ANKS1B: variants seen among roughly 807,000 people sequenced by gnomAD.
The protein encoded by ANKS1B is ankyrin repeat and sterile alpha motif domain-containing protein 1B.
Under a neutral mutation model 148.3 loss-of-function variants are expected in ANKS1B, and 36 were observed. The ratio of observed to expected loss-of-function variants is 0.24; its 90% confidence interval spans 0.19 to 0.32. The LOEUF (loss-of-function observed/expected upper bound fraction) is 0.32, where lower values mean the gene tolerates loss of function less well. Among genes scored for constraint, ANKS1B ranks in the 10% least tolerant of loss-of-function variants. The probability of loss-of-function intolerance (pLI) is 1.00; values close to 1 mark genes in which losing one functional copy is unlikely to be tolerated. For synonymous variants in ANKS1B, 542 were observed against 560.8 expected (o/e 0.97, Z 0.47); for missense variants, 1,157 against 1,542.6 (o/e 0.75, Z 4.19).
At chr12:99,175,501 C>G (rs1313839946) in intron 14 of ANKS1B, among the ~76,000 whole-genome samples, 1 of 152,190 alleles carries the variant, frequency 6.6e-6, no homozygotes, top group East Asian at 1.9e-4. Context: ...CTTGAGCCAT[C>G]AGAAAGCAAA....
At chr12:99,800,760 G>C (rs2066849846) in intron 4 of ANKS1B, among the ~76,000 whole-genome samples, 1 of 152,238 alleles carries the variant, frequency 6.6e-6, no homozygotes, top group Middle Eastern at 3.4e-3. Flanking sequence ...AAGCCTATTA[G>C]TCATCTGATA....
intron 17 of ANKS1B, among the ~76,000 whole-genome samples, chr12:98,906,323 G>A (rs2099779024): frequency 6.6e-6 from 1 of 152,120 alleles, no homozygotes; most frequent in Non-Finnish European, 1.5e-5. Flanking sequence ...TGAGGGGTGG[G>A]GGCTGCAATC....
chr12:99,933,463 T>C (rs1247513022), intron 1 of ANKS1B, among the ~76,000 whole-genome samples: 4 of 152,162 alleles, frequency 2.6e-5, no homozygotes, highest in African/African-American at 7.2e-5. Flanking sequence ...GTTTTCACTG[T>C]AGAAATCTTT....
intron 10 of ANKS1B, among the ~76,000 whole-genome samples, chr12:99,497,375 C>G (rs2096614322): frequency 6.6e-6 from 1 of 152,132 alleles, no homozygotes; most frequent in Admixed American, 6.5e-5. Flanking sequence ...CTCACAGATA[C>G]AGAGGGCCAA....
At chr12:99,019,584 G>T (rs1325873748) in intron 17 of ANKS1B, among the ~76,000 whole-genome samples, 2 of 152,122 alleles carry the variant, frequency 1.3e-5, no homozygotes, top group Non-Finnish European at 2.9e-5. Context: ...CAAAATAACA[G>T]ATTTGTTGTT....
At chr12:99,154,767 A>G (rs2153823974) in intron 14 of ANKS1B, 3 of 1,446,278 alleles carry the variant, frequency 2.1e-6, no homozygotes, top group South Asian at 3.0e-5. Flanking sequence ...TGAGCAATGC[A>G]CGGCCGGCAG....
chr12:99,757,813 A>G (rs1444008349), intron 8 of ANKS1B, among the ~76,000 whole-genome samples: 1 of 151,978 alleles, frequency 6.6e-6, no homozygotes, highest in Non-Finnish European at 1.5e-5. Context: ...ATCTGAGGCC[A>G]TTATCTTTAG....
chr12:99,147,651 A>G (rs1173849508), intron 15 of ANKS1B, among the ~76,000 whole-genome samples: 1 of 152,122 alleles, frequency 6.6e-6, no homozygotes, highest in Non-Finnish European at 1.5e-5. Context: ...ATATCTATTG[A>G]GTAGCTGGAC....
intron 8 of ANKS1B, among the ~76,000 whole-genome samples, chr12:99,689,101 T>A (rs2098665680): frequency 6.6e-6 from 1 of 152,212 alleles, no homozygotes; most frequent in Non-Finnish European, 1.5e-5. Flanking sequence ...TCTTCAATGT[T>A]CCTACATTAC....
intron 17 of ANKS1B, among the ~76,000 whole-genome samples, chr12:98,948,645 C>T (rs544795109): frequency 6.6e-6 from 1 of 152,090 alleles, no homozygotes; most frequent in South Asian, 2.1e-4. Flanking sequence ...TTTTTTTGAG[C>T]CAGATACTGC....
At chr12:99,669,313 G>A (rs1463169900) in intron 8 of ANKS1B, among the ~76,000 whole-genome samples, 1 of 152,144 alleles carries the variant, frequency 6.6e-6, no homozygotes, top group East Asian at 1.9e-4. Flanking sequence ...TGGGACTACA[G>A]GAATGTCCCA....
intron 6 of ANKS1B, among the ~76,000 whole-genome samples, chr12:99,779,039 A>G (rs1423594467): frequency 6.6e-6 from 1 of 152,238 alleles, no homozygotes; most frequent in East Asian, 1.9e-4. Flanking sequence ...GGAGAGAAAA[A>G]CATCTGGGGT....
rs1354202837 is a variant in ANKS1B at position 99,829,209 on chromosome 12, T to C, written c.135-3820A>G. 2.0e-5 allele frequency among the ~76,000 whole-genome samples: 3 copies of C among 151,266 alleles called. No individual in the cohort carries two copies. In the East Asian group the frequency reaches 5.9e-4, roughly 30 times the overall value. The stretch of plus-strand genomic sequence containing the variant: ...TTATCAGAACTGAAGGACATTAATT[T>C]ACCAAATAAAATGTACATGGGCCAG... On this transcript the variant is annotated intron_variant, in intron 1 of 26. Coordinates refer to ENST00000683438, the MANE Select transcript of ANKS1B (RefSeq NM_001352186.2).
chr12:98,944,306 A>C (rs927290928), intron 17 of ANKS1B, among the ~76,000 whole-genome samples: 26 of 150,290 alleles, frequency 1.7e-4, no homozygotes, highest in African/African-American at 6.1e-4. Flanking sequence ...ACCTCACAAA[A>C]AAAAAAAAAA....
At chr12:98,769,165 CTTTTTTTTTTTTTTTTT>C (rs1182264550) in intron 25 of ANKS1B, among the ~76,000 whole-genome samples, 7 of 41,232 alleles carry the variant, frequency 1.7e-4, no homozygotes, top group Admixed American at 4.3e-4. Flanking sequence ...GTCTTCTTTA[CTTTTTTTTTTTTTTTTT>C]TTTTTTTTTT....
intron 14 of ANKS1B, among the ~76,000 whole-genome samples, chr12:99,239,408 T>C (rs971845986): frequency 2.6e-5 from 4 of 152,144 alleles, no homozygotes; most frequent in Non-Finnish European, 5.9e-5. Flanking sequence ...CCAAGAAATA[T>C]GGGACTATGT....
Position 99,247,006 on chromosome 12 carries a change from C to A in ANKS1B, c.1757-142G>T. ...AATACCTTCACTTTATGAAATACCC[C>A]TGACCCCACAGTGCCATGTATAGAA... On this transcript the variant is annotated intron_variant, in intron 12 of 26. Transcript: ENST00000683438. 8 of 678,464 alleles carry A rather than the reference C, an allele frequency of 1.2e-5. No homozygotes were observed. The South Asian group carries it at 1.5e-4, about 13-fold the overall frequency. The allele number at this position is 678,464 out of a possible 1,614,324, so 42.0% of individuals were successfully genotyped here. A position where few individuals can be genotyped will look rare whatever the true frequency, so the allele number is the denominator to read the frequency against.
intron 14 of ANKS1B, among the ~76,000 whole-genome samples, chr12:99,185,928 G>A (rs926669797): frequency 3.9e-5 from 6 of 152,118 alleles, no homozygotes; most frequent in African/African-American, 1.4e-4. Context: ...TGAAGCCAGG[G>A]AGCCAAGTGG....
chr12:99,154,910 A>T, intron 14 of ANKS1B: 1 of 1,535,386 alleles, frequency 6.5e-7, no homozygotes, highest in Non-Finnish European at 8.7e-7. Context: ...GCCATCAGAT[A>T]AGGCAGATTT....
Sources: allele counts gnomAD v4.1 joint callset (sites outside exome capture counted in the v4.1 genomes callset), GRCh38; gene constraint gnomAD v4.1.1; transcripts MANE v1.5; gene names NCBI Gene and HGNC (gene_info 2026-07-23, HGNC 2026-07-21).